Variants in CSMD1 observed in about 807,000 individuals in gnomAD.
CSMD1 encodes CUB and Sushi multiple domains 1.
In CSMD1, 213 loss-of-function variants were observed where a neutral mutation model predicts 417.5. The observed-to-expected ratio is 0.51, with a 90% CI of 0.46 to 0.57. The LOEUF is 0.57. Among genes scored for constraint, CSMD1 ranks in the 20% least tolerant of loss-of-function variants. CSMD1 has a pLI of 0.00. For synonymous variants in CSMD1, 2,862 were observed against 1,736.8 expected (o/e 1.65, Z -16.11); for missense variants, 6,923 against 4,529.7 (o/e 1.53, Z -15.17).
intron 1 of CSMD1, among the ~76,000 whole-genome samples, chr8:4,984,329 C>T (rs1811058492): frequency 6.6e-6 from 1 of 152,194 alleles, no homozygotes; most frequent in African/African-American, 2.4e-5. Context: ...GGAGCAAGGC[C>T]TAACATAAGT....
Position 4,179,690 on chromosome 8 carries a change from G to A in CSMD1, c.416-147591C>T, listed in dbSNP as rs888863619. On this transcript the variant is annotated intron_variant, in intron 3 of 69. Transcript: ENST00000635120. ...TCGCAATCTACTCATCTGACAAAGG[G>A]CTAATATCCAGAATCTACAATGAAC... 2.8e-4 allele frequency among the ~76,000 whole-genome samples: 42 copies of A among 152,020 alleles called. 1 individual carries two copies. The highest frequency in any genetic ancestry group is 4.4e-5 in the Non-Finnish European group (3 of 68,016).
At chr8:4,155,140 C>G (rs1796764567) in intron 3 of CSMD1, among the ~76,000 whole-genome samples, 1 of 152,152 alleles carries the variant, frequency 6.6e-6, no homozygotes, top group African/African-American at 2.4e-5. Flanking sequence ...TCCCATGCTA[C>G]AGATGAGATA....
intron 10 of CSMD1, among the ~76,000 whole-genome samples, chr8:3,516,328 G>C (rs1482646728): frequency 6.6e-6 from 1 of 152,182 alleles, no homozygotes; most frequent in Non-Finnish European, 1.5e-5. Context: ...GGTCAACATA[G>C]CAGATGAATA....
chr8:3,495,426 A>G (rs1431242290), intron 10 of CSMD1, among the ~76,000 whole-genome samples: 1 of 152,182 alleles, frequency 6.6e-6, no homozygotes, highest in Non-Finnish European at 1.5e-5. Context: ...GTCACACTAT[A>G]TGAATGGGCT....
chr8:3,560,201 G>C (rs559089183), intron 10 of CSMD1, among the ~76,000 whole-genome samples: 3 of 152,084 alleles, frequency 2.0e-5, no homozygotes, highest in Admixed American at 1.3e-4. Flanking sequence ...GGAATGCAAA[G>C]AAATTCAAGG....
At chr8:3,401,223 A>G (rs577269697) in intron 15 of CSMD1, among the ~76,000 whole-genome samples, 153 of 152,210 alleles carry the variant, frequency 1.0e-3, no homozygotes, top group African/African-American at 3.5e-3. Context: ...AAAAATTATG[A>G]TAGTTGAGCA....
chr8:3,126,914 G>C (rs1563068639), intron 41 of CSMD1, among the ~76,000 whole-genome samples: 1 of 152,180 alleles, frequency 6.6e-6, no homozygotes, highest in Non-Finnish European at 1.5e-5. Flanking sequence ...GTGGAAATCT[G>C]AAGGTGCCTT....
chr8:3,603,394 G>C (rs1044530148), intron 8 of CSMD1, among the ~76,000 whole-genome samples: 3 of 152,064 alleles, frequency 2.0e-5, no homozygotes, highest in African/African-American at 7.2e-5. Flanking sequence ...CTCAAATACA[G>C]CACGTCAGGA....
intron 1 of CSMD1, among the ~76,000 whole-genome samples, chr8:4,690,990 G>A (rs1313598294): frequency 2.6e-5 from 4 of 152,208 alleles, no homozygotes; most frequent in Non-Finnish European, 5.9e-5. Context: ...GCCTCCCAAA[G>A]TGCTGGGATT....
intron 3 of CSMD1, among the ~76,000 whole-genome samples, chr8:4,214,964 G>C (rs1800547622): frequency 6.6e-6 from 1 of 152,112 alleles, no homozygotes; most frequent in Non-Finnish European, 1.5e-5. Flanking sequence ...CTTCACGTGA[G>C]ATACAGGCAC....
At chr8:4,520,466 A>G (rs1243046145) in intron 2 of CSMD1, among the ~76,000 whole-genome samples, 2 of 152,142 alleles carry the variant, frequency 1.3e-5, no homozygotes, top group Non-Finnish European at 2.9e-5. Context: ...GGATCTTAAT[A>G]AGACATGGGA....
intron 1 of CSMD1, among the ~76,000 whole-genome samples, chr8:4,780,010 T>G (rs1797072340): frequency 6.6e-6 from 1 of 152,184 alleles, no homozygotes; most frequent in Admixed American, 6.5e-5. Flanking sequence ...CTCTTCTCTT[T>G]CACAAACAAT....
intron 1 of CSMD1, among the ~76,000 whole-genome samples, chr8:4,959,339 C>G (rs1340791053): frequency 1.3e-5 from 2 of 152,166 alleles, no homozygotes; most frequent in African/African-American, 2.4e-5. Context: ...CAACATGTAC[C>G]TGGTGTTCCC....
intron 3 of CSMD1, among the ~76,000 whole-genome samples, chr8:4,218,926 G>A (rs994783625): frequency 1.2e-4 from 18 of 152,026 alleles, no homozygotes; most frequent in African/African-American, 4.1e-4. Context: ...TGAACCCTTG[G>A]GGTCATTCTC....
At chr8:4,058,077 A>G (rs567936101) in intron 3 of CSMD1, among the ~76,000 whole-genome samples, 13 of 152,246 alleles carry the variant, frequency 8.5e-5, no homozygotes, top group Admixed American at 5.2e-4. Flanking sequence ...GAAGGAACTC[A>G]TTGGTAGCTT....
chr8:4,943,280 G>C (rs927351373), intron 1 of CSMD1, among the ~76,000 whole-genome samples: 3 of 152,046 alleles, frequency 2.0e-5, no homozygotes, highest in African/African-American at 4.8e-5. Flanking sequence ...CAGATCACGA[G>C]GTCAGGAGAT....
At chr8:4,825,596 C>T (rs547021302) in intron 1 of CSMD1, among the ~76,000 whole-genome samples, 3 of 63,968 alleles carry the variant, frequency 4.7e-5, no homozygotes, top group African/African-American at 1.7e-4. Flanking sequence ...TCAAAAAGCA[C>T]AGAAAAGAAA....
At chr8:3,197,106 A>G (rs1366227680) in intron 33 of CSMD1, among the ~76,000 whole-genome samples, 1 of 152,220 alleles carries the variant, frequency 6.6e-6, no homozygotes, top group Non-Finnish European at 1.5e-5. Context: ...GAGCCTCTAG[A>G]CTTACATTGC....
intron 16 of CSMD1, among the ~76,000 whole-genome samples, chr8:3,396,985 C>T (rs1401606049): frequency 2.0e-5 from 3 of 152,028 alleles, no homozygotes; most frequent in African/African-American, 7.2e-5. Flanking sequence ...ACTTTAATAA[C>T]TTGAGAAAGT....
Sources: allele counts gnomAD v4.1 joint callset (sites outside exome capture counted in the v4.1 genomes callset), GRCh38; gene constraint gnomAD v4.1.1; transcripts MANE v1.5; gene names NCBI Gene and HGNC (gene_info 2026-07-23, HGNC 2026-07-21).